Variants in SHISA9 observed in about 807,000 individuals in gnomAD.
The protein encoded by SHISA9 is shisa family member 9, also known as protein shisa-9.
SHISA9 carries 13 observed loss-of-function variants against 38.0 expected under a neutral mutation model. The ratio of observed to expected loss-of-function variants is 0.34; its 90% CI spans 0.22 to 0.54. SHISA9 has a LOEUF of 0.54. Ranked by LOEUF, SHISA9 falls within the 20% of genes least tolerant of loss-of-function variation. The pLI, the probability that SHISA9 is intolerant of heterozygous loss-of-function variation, is 0.91. For synonymous variants in SHISA9, 275 were observed against 242.0 expected (o/e 1.14, Z -1.27); for missense variants, 538 against 575.8 (o/e 0.93, Z 0.67).
At chr16:13,284,093 C>T in the SHISA9 span, among the ~76,000 whole-genome samples, 1 of 152,278 alleles carries the variant, frequency 6.6e-6, no homozygotes, top group East Asian at 1.9e-4. Flanking sequence ...CAAGCTGCTT[C>T]ATTGCATATA....
chr16:13,489,242 G>T, the SHISA9 span, among the ~76,000 whole-genome samples: 3 of 152,016 alleles, frequency 2.0e-5, no homozygotes, highest in African/African-American at 4.8e-5. Flanking sequence ...TTGAAGCAGG[G>T]TCTCACCATG....
the SHISA9 span, among the ~76,000 whole-genome samples, chr16:13,358,355 T>C: frequency 6.6e-6 from 1 of 152,070 alleles, no homozygotes; most frequent in Non-Finnish European, 1.5e-5. Context: ...CTTTAAAAAG[T>C]CTCTCTTCTA....
At chr16:13,498,303 G>T in the SHISA9 span, among the ~76,000 whole-genome samples, 1 of 152,100 alleles carries the variant, frequency 6.6e-6, no homozygotes, top group Non-Finnish European at 1.5e-5. Context: ...GCTTTAAATT[G>T]TTACCCCTCA....
chr16:13,019,635 G>A (rs905164590), intron 2 of SHISA9, among the ~76,000 whole-genome samples: 4 of 151,732 alleles, frequency 2.6e-5, no homozygotes, highest in African/African-American at 9.7e-5. Flanking sequence ...TTAAGTTCAG[G>A]GGTACAAGTG....
At chr16:12,917,815 G>C (rs978623377) in intron 2 of SHISA9, among the ~76,000 whole-genome samples, 1 of 152,142 alleles carries the variant, frequency 6.6e-6, no homozygotes, top group Admixed American at 6.6e-5. Context: ...TTACAGACTG[G>C]GTCGTCTTTG....
the SHISA9 span, among the ~76,000 whole-genome samples, chr16:13,290,903 C>G: frequency 2.1e-3 from 319 of 152,300 alleles, no homozygotes; most frequent in African/African-American, 3.6e-3. Flanking sequence ...TGGGCCGGGA[C>G]TAGAGCCCCA....
the SHISA9 span, among the ~76,000 whole-genome samples, chr16:13,540,401 A>G: frequency 6.6e-6 from 1 of 152,240 alleles, no homozygotes; most frequent in Non-Finnish European, 1.5e-5. Context: ...GCCAAGGACT[A>G]TCAGGAGTTG....
the SHISA9 span, among the ~76,000 whole-genome samples, chr16:13,439,064 A>C: frequency 1.3e-5 from 2 of 152,176 alleles, no homozygotes; most frequent in African/African-American, 4.8e-5. Context: ...AGACACAGGA[A>C]GACAAATAGT....
At chr16:12,968,189 C>CA (rs200194973) in intron 2 of SHISA9, among the ~76,000 whole-genome samples, 1,641 of 81,896 alleles carry the variant, frequency 0.02, 346 homozygotes, top group Non-Finnish European at 0.029. Flanking sequence ...GGCTCCATCT[C>CA]AAAAAAAAAA....
rs551503814 is a variant in SHISA9 at position 13,102,747 on chromosome 16, A to T, written c.692-100647A>T. On this transcript the variant is annotated intron_variant, in intron 2 of 4. Coordinates refer to ENST00000558583, the MANE Select transcript of SHISA9 (RefSeq NM_001145204.3). Reference sequence around the variant, plus strand: ...TCCCCTAGACGGTTGGGGAGAATTCACTCTCCATGACTTGTTTTGTCCCTG... The same window carrying T: ...TCCCCTAGACGGTTGGGGAGAATTCTCTCTCCATGACTTGTTTTGTCCCTG... Among the ~76,000 whole-genome samples, 65 of 151,884 alleles carry T rather than the reference A, an allele frequency of 4.3e-4. 1 individual carries two copies. In the South Asian group the frequency reaches 0.013, roughly 31 times the overall value.
chr16:13,253,084 T>C, the SHISA9 span, among the ~76,000 whole-genome samples: 1 of 152,228 alleles, frequency 6.6e-6, no homozygotes, highest in African/African-American at 2.4e-5. Flanking sequence ...CGTGATTTTC[T>C]TAATAATAAC....
chr16:13,388,275 G>T, the SHISA9 span, among the ~76,000 whole-genome samples: 1 of 151,810 alleles, frequency 6.6e-6, no homozygotes, highest in South Asian at 2.1e-4. Flanking sequence ...TCAGAAGGGG[G>T]AAATAGTGCA....
chr16:13,174,854 A>G (rs746789776), intron 2 of SHISA9, among the ~76,000 whole-genome samples: 5 of 152,186 alleles, frequency 3.3e-5, no homozygotes, highest in Non-Finnish European at 5.9e-5. Context: ...TAGAAAAAGA[A>G]AGACTCCTTA....
intron 2 of SHISA9, among the ~76,000 whole-genome samples, chr16:13,127,295 GGA>G (rs1258169986): frequency 2.1e-4 from 29 of 136,086 alleles, no homozygotes; most frequent in African/African-American, 3.3e-4. Context: ...AGAGATGGAG[GGA>G]GAGAGAGAGA....
the SHISA9 span, among the ~76,000 whole-genome samples, chr16:13,544,657 A>C: frequency 6.6e-6 from 1 of 151,822 alleles, no homozygotes; most frequent in Non-Finnish European, 1.5e-5. Flanking sequence ...AGAATAGAAG[A>C]CTGGGCCAGG....
chr16:13,293,695 C>T, the SHISA9 span, among the ~76,000 whole-genome samples: 2 of 152,150 alleles, frequency 1.3e-5, no homozygotes, highest in African/African-American at 4.8e-5. Flanking sequence ...CATTATATTC[C>T]ACCTGGACAC....
chr16:13,470,692 C>T, the SHISA9 span, among the ~76,000 whole-genome samples: 1 of 152,092 alleles, frequency 6.6e-6, no homozygotes, highest in African/African-American at 2.4e-5. Context: ...GGGACACAGC[C>T]AAACCATATC....
At chr16:13,332,938 C>T in the SHISA9 span, among the ~76,000 whole-genome samples, 2,019 of 152,266 alleles carry the variant, frequency 0.013, 55 homozygotes, top group African/African-American at 0.045. Flanking sequence ...AAGCTGCTGC[C>T]GGAGCTGGTC....
the SHISA9 span, among the ~76,000 whole-genome samples, chr16:13,328,619 CACACACACACACACACAT>C: frequency 4.2e-4 from 62 of 146,164 alleles, no homozygotes; most frequent in East Asian, 2.8e-3. Flanking sequence ...CACACACACA[CACACACACACACACACAT>C]ATATATTGTA....
Sources: allele counts gnomAD v4.1 joint callset (sites outside exome capture counted in the v4.1 genomes callset), GRCh38; gene constraint gnomAD v4.1.1; transcripts MANE v1.5; gene names NCBI Gene and HGNC (gene_info 2026-07-23, HGNC 2026-07-21).